TEX2: variants seen among roughly 807,000 people sequenced by gnomAD.
TEX2 encodes testis-expressed protein 2.
Under a neutral mutation model 106.9 loss-of-function variants are expected in TEX2, and 53 were observed. That is an observed-to-expected ratio of 0.50 (90% CI 0.40 to 0.62). The LOEUF (loss-of-function observed/expected upper bound fraction) is 0.62, where lower values mean the gene tolerates loss of function less well. Among genes scored for constraint, TEX2 ranks in the 20% least tolerant of loss-of-function variants. The pLI, the probability that TEX2 is intolerant of heterozygous loss-of-function variation, is 0.00. For synonymous variants in TEX2, 523 were observed against 534.8 expected, an observed-to-expected ratio of 0.98 and a Z score of 0.30; for missense variants, 1,207 against 1,379.0, an observed-to-expected ratio of 0.88 and a Z score of 1.98.
chr17:64,254,814 C>T (rs187417588), intron 1 of TEX2, among the ~76,000 whole-genome samples: 2 of 152,134 alleles, frequency 1.3e-5, no homozygotes, highest in African/African-American at 4.8e-5. Flanking sequence ...GTGACTTCAT[C>T]ATGGGCTCAT....
At chr17:64,159,060 C>T (rs747674673) in intron 8 of TEX2, among the ~76,000 whole-genome samples, 1 of 152,202 alleles carries the variant, frequency 6.6e-6, no homozygotes, top group African/African-American at 2.4e-5. Context: ...TCCAGAAACA[C>T]GTCCACCCTC....
At chr17:64,202,880 C>T (rs765097651) in intron 2 of TEX2, among the ~76,000 whole-genome samples, 1 of 152,130 alleles carries the variant, frequency 6.6e-6, no homozygotes, top group Non-Finnish European at 1.5e-5. Context: ...GGGACAATGA[C>T]CCAGTCAGCC....
At chr17:64,191,162 A>C (rs563761675) in intron 4 of TEX2, among the ~76,000 whole-genome samples, 1 of 152,326 alleles carries the variant, frequency 6.6e-6, no homozygotes, top group African/African-American at 2.4e-5. Context: ...GTACGAAGAC[A>C]TTAGTGGTGT....
chr17:64,220,368 A>G (rs1555633149), intron 1 of TEX2, among the ~76,000 whole-genome samples: 1 of 152,250 alleles, frequency 6.6e-6, no homozygotes, highest in Non-Finnish European at 1.5e-5. Context: ...AATCTCATTA[A>G]ACTAAAGAGC....
chr17:64,178,290 G>A (rs1214075638), intron 5 of TEX2, among the ~76,000 whole-genome samples: 1 of 152,206 alleles, frequency 6.6e-6, no homozygotes, highest in African/African-American at 2.4e-5. Context: ...GGGGGTCAGG[G>A]ATGGAGATAA....
rs757727594 is a variant in TEX2 at position 64,153,001 on chromosome 17, T to C, written c.3084A>G (p.Gln1028=). Residue 1028 remains glutamine (Q), a synonymous_variant, in exon 10 of 12, where the codon CAA becomes CAG. Coordinates refer to ENST00000584379, the MANE Select transcript of TEX2 (RefSeq NM_001288732.2). The surrounding 1 kb of genome is among the most constrained non-coding windows in gnomAD (Gnocchi z 4.1). Reference sequence around the variant, plus strand: ...TGACCGCCAAGGTTCCTCTACATTCTTGTACTTCAACAGTGAGCAGCAGGG... The same window carrying C: ...TGACCGCCAAGGTTCCTCTACATTCCTGTACTTCAACAGTGAGCAGCAGGG... ...NTPLLLTVEV[Q]ECRGTLAVNI... is the part of the protein sequence containing the mutation. 4 of 1,614,228 alleles carry C rather than the reference T, an allele frequency of 2.5e-6. No individual in the cohort carries two copies. In the East Asian group the frequency reaches 8.9e-5, roughly 36 times the overall value.
intron 1 of TEX2, among the ~76,000 whole-genome samples, chr17:64,240,778 C>T (rs2033872993): frequency 6.6e-6 from 1 of 152,086 alleles, no homozygotes; most frequent in Non-Finnish European, 1.5e-5. Context: ...GCAAGAGTAA[C>T]AATAGGGTAT....
chr17:64,250,453 C>A (rs1280417112), intron 1 of TEX2, among the ~76,000 whole-genome samples: 2 of 152,186 alleles, frequency 1.3e-5, no homozygotes, highest in African/African-American at 2.4e-5. Context: ...ATCATTAAGT[C>A]CAACACACAC....
At position 64,213,509 on chromosome 17, in the gene TEX2, G is replaced by T; in HGVS notation, c.709C>A (p.Pro237Thr). Residue 237 changes from proline to threonine, a missense_variant, in exon 2 of 12, where the codon CCA becomes ACA. Transcript: ENST00000584379. The surrounding 1 kb of genome is among the most constrained non-coding windows in gnomAD (Gnocchi z 4.4). ...TGTAAGTTCAGTTTGGAATCAGGTGGCTTATAGGACACTGTATCCGACTCC... is the reference window on the plus strand; with the variant it reads ...TGTAAGTTCAGTTTGGAATCAGGTGTCTTATAGGACACTGTATCCGACTCC... ...RQESDTVSYK[P>T]PDSKLNLHLF... is the part of the protein sequence containing the mutation. The T allele has an allele frequency of 6.2e-7, 1 of 1,614,126 alleles. No individual in the cohort carries two copies. The highest frequency in any genetic ancestry group is 8.5e-7 in the Non-Finnish European group (1 of 1,179,990).
chr17:64,222,518 C>CAAAAAAAAAA (rs11296538), intron 1 of TEX2, among the ~76,000 whole-genome samples: 2 of 99,148 alleles, frequency 2.0e-5, no homozygotes, highest in Non-Finnish European at 2.1e-5. Flanking sequence ...TTCCAACTCA[C>CAAAAAAAAAA]AAAAAAAAAA....
intron 2 of TEX2, among the ~76,000 whole-genome samples, chr17:64,198,731 G>A (rs920198848): frequency 6.9e-6 from 1 of 144,680 alleles, no homozygotes; most frequent in Non-Finnish European, 1.6e-5. Context: ...ATATAAGATA[G>A]ACATTACTGC....
intron 2 of TEX2, among the ~76,000 whole-genome samples, chr17:64,196,522 C>T (rs1449841691): frequency 6.6e-6 from 1 of 152,124 alleles, no homozygotes; most frequent in Admixed American, 6.6e-5. Context: ...ACAGGAGCAG[C>T]ATCTATTCAA....
chr17:64,261,361 C>T (rs1219616439), intron 1 of TEX2, among the ~76,000 whole-genome samples: 5 of 152,288 alleles, frequency 3.3e-5, no homozygotes, highest in South Asian at 2.1e-4. Flanking sequence ...TTTATTCTAT[C>T]GAAAAGCCTA....
At chr17:64,180,002 C>A (rs2031789477) in intron 5 of TEX2, among the ~76,000 whole-genome samples, 1 of 152,140 alleles carries the variant, frequency 6.6e-6, no homozygotes, top group African/African-American at 2.4e-5. Flanking sequence ...TTTTTTGAAT[C>A]CCTTTTTTCT....
chr17:64,237,095 C>T (rs1555635206), intron 1 of TEX2, among the ~76,000 whole-genome samples: 1 of 152,176 alleles, frequency 6.6e-6, no homozygotes, highest in East Asian at 1.9e-4. Context: ...AGCAGGGAAA[C>T]CTGATCCGTT....
chr17:64,180,660 C>T (rs1026371851), intron 5 of TEX2, among the ~76,000 whole-genome samples: 1 of 152,204 alleles, frequency 6.6e-6, no homozygotes, highest in Non-Finnish European at 1.5e-5. Context: ...ATATTCATTT[C>T]GCTGTCTCAA....
At chr17:64,234,294 G>A (rs1165891500) in intron 1 of TEX2, among the ~76,000 whole-genome samples, 8 of 152,160 alleles carry the variant, frequency 5.3e-5, no homozygotes, top group African/African-American at 1.7e-4. Flanking sequence ...AGAAACAAAC[G>A]CTGTAAAATT....
rs1012416888 is a variant in TEX2, at chr17:64,185,358, C to G, written c.2424+2810G>C. On this transcript the variant is annotated intron_variant, in intron 5 of 11. Coordinates refer to ENST00000584379, the MANE Select transcript of TEX2 (RefSeq NM_001288732.2). The surrounding 1 kb of genome is among the most constrained non-coding windows in gnomAD (Gnocchi z 4.0). ...ACACAGAACCAGCAGCCTCCCTGGA[C>G]TCACACCCCTGAGCAAATCTGCAGC... Among the ~76,000 whole-genome samples the G allele has an allele frequency of 1.3e-4, 20 of 152,162 alleles. No individual in the cohort carries two copies. Among genetic ancestry groups the G allele is most frequent in the Non-Finnish European group, 1.5e-5 (1 of 68,034 alleles).
intron 1 of TEX2, among the ~76,000 whole-genome samples, chr17:64,230,318 G>C (rs188677542): frequency 6.6e-6 from 1 of 152,166 alleles, no homozygotes; most frequent in Admixed American, 6.5e-5. Context: ...ATTTTAAGTG[G>C]AGGACAAAGC....
Sources: allele counts gnomAD v4.1 joint callset (sites outside exome capture counted in the v4.1 genomes callset), GRCh38; gene constraint gnomAD v4.1.1; non-coding constraint Gnocchi (gnomAD v3.1); transcripts MANE v1.5; gene names NCBI Gene and HGNC (gene_info 2026-07-23, HGNC 2026-07-21).